Variants in PDE3A observed in about 807,000 individuals in gnomAD.
The protein encoded by PDE3A is cGMP-inhibited 3',5'-cyclic phosphodiesterase 3A.
A neutral mutation model predicts 98.3 loss-of-function variants in PDE3A; 43 were observed. The ratio of observed to expected loss-of-function variants is 0.44; its 90% CI spans 0.34 to 0.56. The LOEUF is 0.56. PDE3A is among the 20% of genes least tolerant of loss of function. PDE3A has a pLI of 0.01. For synonymous variants in PDE3A, 663 were observed against 567.9 expected (o/e 1.17, Z -2.38); for missense variants, 1,427 against 1,440.7 (o/e 0.99, Z 0.15).
chr12:20,409,943 T>C (rs1944303481), intron 1 of PDE3A, among the ~76,000 whole-genome samples: 1 of 152,230 alleles, frequency 6.6e-6, no homozygotes, highest in African/African-American at 2.4e-5. Flanking sequence ...GATTATCTCA[T>C]AGACAAATGT....
At chr12:20,600,254 A>G (rs1291962487) in intron 2 of PDE3A, among the ~76,000 whole-genome samples, 2 of 152,168 alleles carry the variant, frequency 1.3e-5, no homozygotes, top group Non-Finnish European at 2.9e-5. Flanking sequence ...ATCATCCAAT[A>G]AATACCTCAG....
At chr12:20,409,589 T>C (rs1321823101) in intron 1 of PDE3A, among the ~76,000 whole-genome samples, 1 of 152,154 alleles carries the variant, frequency 6.6e-6, no homozygotes. Context: ...TGAATAAAAA[T>C]AGTGATCTTA....
At chr12:20,414,416 T>C (rs995471118) in intron 1 of PDE3A, among the ~76,000 whole-genome samples, 1 of 152,172 alleles carries the variant, frequency 6.6e-6, no homozygotes, top group Non-Finnish European at 1.5e-5. Flanking sequence ...GAAATGAAAT[T>C]CTGTCAGACT....
chr12:20,655,811 G>C lies in PDE3A; in HGVS notation c.3184+1606G>C, dbSNP rs115504005. ...TGAGAATATGCTTGGGGTTGAGAAG[G>C]GAGCAAGGATAGACATAGGGCGGTC... On this transcript the variant is annotated intron_variant, in intron 15 of 15. Transcript: ENST00000359062. Among the ~76,000 whole-genome samples, 437 of 152,250 alleles carry C rather than the reference G, an allele frequency of 2.9e-3. 3 individuals are homozygous for C. Among genetic ancestry groups the C allele is most frequent in the African/African-American group, 0.01 (429 of 41,540 alleles).
At chr12:20,632,090 A>G (rs931432079) in intron 6 of PDE3A, among the ~76,000 whole-genome samples, 3 of 152,166 alleles carry the variant, frequency 2.0e-5, no homozygotes, top group Non-Finnish European at 4.4e-5. Flanking sequence ...TTATTTTGCA[A>G]TGAAAAAGTT....
chr12:20,432,558 A>G (rs1169080041), intron 1 of PDE3A, among the ~76,000 whole-genome samples: 1 of 152,090 alleles, frequency 6.6e-6, no homozygotes, highest in Non-Finnish European at 1.5e-5. Flanking sequence ...TTATCTCCAA[A>G]CTCATCAAGT....
rs1945795866 is a variant in PDE3A at position 20,681,892 on chromosome 12, A to T, written c.*1621A>T. 6.6e-6 allele frequency: 1 copy of T among 152,174 alleles called. No individual in the cohort carries two copies. The highest frequency in any genetic ancestry group is 2.1e-4 in the South Asian group (1 of 4,830). 9.4% of individuals were successfully genotyped at this position (152,174 alleles called of 1,614,324 possible). A position where few individuals can be genotyped will look rare whatever the true frequency, so the allele number is the denominator to read the frequency against. The stretch of plus-strand genomic sequence containing the variant: ...TATGAAGATTTTTTTGTTTCTGTAG[A>T]TAGTAAACTCTTTTTTTAAAAAAGG... On this transcript the variant is annotated 3_prime_UTR_variant, in exon 16 of 16. Transcript: ENST00000359062.
intron 2 of PDE3A, among the ~76,000 whole-genome samples, chr12:20,569,049 T>G (rs972111749): frequency 1.3e-5 from 2 of 152,086 alleles, no homozygotes; most frequent in Non-Finnish European, 2.9e-5. Context: ...TGGGTTATTC[T>G]AAATGAATGA....
At chr12:20,443,957 C>T (rs756050336) in intron 1 of PDE3A, among the ~76,000 whole-genome samples, 1 of 152,020 alleles carries the variant, frequency 6.6e-6, no homozygotes, top group Non-Finnish European at 1.5e-5. Context: ...CGGTGAGCTC[C>T]CCTGTGGCAA....
At chr12:20,626,322 G>T (rs1355616301) in intron 5 of PDE3A, among the ~76,000 whole-genome samples, 2 of 149,744 alleles carry the variant, frequency 1.3e-5, no homozygotes, top group Non-Finnish European at 3.0e-5. Context: ...AATTCTTTCT[G>T]TTTTTAAACT....
intron 1 of PDE3A, among the ~76,000 whole-genome samples, chr12:20,540,932 A>AT (rs1487326398): frequency 1.3e-5 from 2 of 151,870 alleles, no homozygotes; most frequent in South Asian, 4.1e-4. Flanking sequence ...TGTTTAATGT[A>AT]TTTTTTAAAT....
intron 1 of PDE3A, among the ~76,000 whole-genome samples, chr12:20,505,021 A>T (rs1345514710): frequency 1.3e-5 from 2 of 152,132 alleles, no homozygotes; most frequent in African/African-American, 4.8e-5. Flanking sequence ...CCTTGTAATT[A>T]TACAGGGAAG....
intron 15 of PDE3A, among the ~76,000 whole-genome samples, chr12:20,672,746 C>G (rs1465840666): frequency 1.5e-5 from 2 of 132,140 alleles, no homozygotes; most frequent in Non-Finnish European, 1.6e-5. Flanking sequence ...CATAAAAACC[C>G]TAGAAGAAAA....
In PDE3A at chr12:20,682,744, AT is replaced by A. The variant is rs1945825953; in HGVS notation, c.*2474del. ...TTAAGGGGAAAAAAGCATTTATCTTATCTTCTCATACCCCTTGCATCTAAGT... is the reference window on the plus strand; with the variant it reads ...TTAAGGGGAAAAAAGCATTTATCTTACTTCTCATACCCCTTGCATCTAAGT... On this transcript the variant is annotated 3_prime_UTR_variant, in exon 16 of 16. Transcript: ENST00000359062. 6.6e-6 allele frequency: 1 copy of A among 152,156 alleles called. No homozygotes were observed. Among genetic ancestry groups the A allele is most frequent in the South Asian group, 2.1e-4 (1 of 4,824 alleles). The allele number at this position is 152,156 out of a possible 1,614,324, so 9.4% of individuals were successfully genotyped here.
intron 10 of PDE3A, among the ~76,000 whole-genome samples, chr12:20,644,444 A>G (rs1944722790): frequency 6.6e-6 from 1 of 152,322 alleles, no homozygotes; most frequent in South Asian, 2.1e-4. Context: ...TTTAAGATAA[A>G]TAAGACTTTT....
At chr12:20,610,567 T>A (rs1943824577) in intron 2 of PDE3A, among the ~76,000 whole-genome samples, 1 of 151,984 alleles carries the variant, frequency 6.6e-6, no homozygotes, top group South Asian at 2.1e-4. Flanking sequence ...ATCTGCACTC[T>A]CATGTTCATT....
At chr12:20,654,309 C>A in intron 15 of PDE3A, 104 bp downstream of exon 15, 1 of 1,108,784 alleles carries the variant, frequency 9.0e-7, no homozygotes, top group Non-Finnish European at 1.3e-6. Context: ...CAAGTCTAAA[C>A]ATCATTTGCG....
intron 14 of PDE3A, 78 bp downstream of exon 14, chr12:20,650,678 T>C: frequency 2.5e-6 from 2 of 798,620 alleles, no homozygotes; most frequent in Non-Finnish European, 3.9e-6. Context: ...CTAACAGCTA[T>C]GAAAGTATGA....
chr12:20,594,493 G>A (rs1279048688), intron 2 of PDE3A, among the ~76,000 whole-genome samples: 12 of 150,294 alleles, frequency 8.0e-5, no homozygotes, highest in Admixed American at 8.0e-4. Context: ...CTGCCAAGAA[G>A]AACTGGAGAA....
Sources: allele counts gnomAD v4.1 joint callset (sites outside exome capture counted in the v4.1 genomes callset), GRCh38; gene constraint gnomAD v4.1.1; transcripts MANE v1.5; gene names NCBI Gene and HGNC (gene_info 2026-07-23, HGNC 2026-07-21).